Variants in LEKR1 observed in about 807,000 individuals in gnomAD.
The protein encoded by LEKR1 is leucine, glutamate and lysine rich 1, also known as protein LEKR1.
In LEKR1, 59 loss-of-function variants were observed where a neutral mutation model predicts 72.4. The observed-to-expected ratio is 0.82, with a 90% CI of 0.66 to 1.01. The LOEUF (loss-of-function observed/expected upper bound fraction) is 1.01, where lower values mean the gene tolerates loss of function less well. LEKR1 is among the 50% of genes least tolerant of loss of function. The pLI, the probability that LEKR1 is intolerant of heterozygous loss-of-function variation, is 0.00. For missense variants in LEKR1, 728 were observed against 759.2 expected (o/e 0.96, Z 0.48); for synonymous variants, 257 against 263.2 (o/e 0.98, Z 0.23).
At chr3:157,045,095 T>C (rs1735656919) in intron 12 of LEKR1, among the ~76,000 whole-genome samples, 2 of 152,190 alleles carry the variant, frequency 1.3e-5, no homozygotes, top group Admixed American at 6.5e-5. Flanking sequence ...ACTCAGTCTC[T>C]GTAGTTCTTG....
rs1576872984 is a variant in LEKR1 at position 156,944,048 on chromosome 3, A to G, written c.745+1334A>G. 2.0e-5 allele frequency among the ~76,000 whole-genome samples: 3 copies of G among 151,422 alleles called. No homozygotes were observed. In the South Asian group the frequency reaches 6.2e-4, roughly 31 times the overall value. ...TTTTTTTCAAATGCATAATTTATCT[A>G]TTGACTTTTTATGGTAAATTTTACC... On this transcript the variant is annotated intron_variant, in intron 6 of 12. Transcript: ENST00000356539.
chr3:156,899,777 C>T (rs1225864412), intron 3 of LEKR1, among the ~76,000 whole-genome samples: 2 of 89,214 alleles, frequency 2.2e-5, no homozygotes, highest in East Asian at 9.2e-4. Flanking sequence ...CATATATACA[C>T]ATATATACAC....
At chr3:156,999,961 A>C (rs1456019598) in intron 9 of LEKR1, among the ~76,000 whole-genome samples, 1 of 152,204 alleles carries the variant, frequency 6.6e-6, no homozygotes, top group East Asian at 1.9e-4. Flanking sequence ...TCTCTTCTCT[A>C]CTGTTTGCAC....
intron 2 of LEKR1, among the ~76,000 whole-genome samples, chr3:156,835,852 G>C: frequency 8.5e-6 from 1 of 117,452 alleles, no homozygotes; most frequent in South Asian, 3.0e-4. Flanking sequence ...CCCAAGTCTT[G>C]CTCTGTCTCA....
rs6774980 is a variant in LEKR1, at chr3:156,846,990, A to T, written c.49-5778A>T. On this transcript the variant is annotated intron_variant, in intron 2 of 12. Transcript: ENST00000356539. ...ACCACGCCTGGCTAATTTTTAAAAAATTTTTTGTAGAAATAAGGTCTCACC... is the reference window on the plus strand; with the variant it reads ...ACCACGCCTGGCTAATTTTTAAAAATTTTTTTGTAGAAATAAGGTCTCACC... 9.3e-3 allele frequency among the ~76,000 whole-genome samples: 1,410 copies of T among 151,934 alleles called. 17 individuals are homozygous for T. The highest frequency in any genetic ancestry group is 0.033 in the African/African-American group (1,357 of 41,408).
At chr3:156,906,222 A>G (rs1576793452) in intron 3 of LEKR1, among the ~76,000 whole-genome samples, 1 of 152,322 alleles carries the variant, frequency 6.6e-6, no homozygotes, top group African/African-American at 2.4e-5. Context: ...CATTATGTGT[A>G]ATATTAATCG....
At chr3:157,039,495 T>A (rs1343061881) in intron 12 of LEKR1, among the ~76,000 whole-genome samples, 1 of 152,100 alleles carries the variant, frequency 6.6e-6, no homozygotes, top group Non-Finnish European at 1.5e-5. Context: ...GGCACACGCC[T>A]GTAGTCCCAG....
chr3:156,831,728 G>T (rs1418611229), intron 2 of LEKR1, among the ~76,000 whole-genome samples: 1 of 152,084 alleles, frequency 6.6e-6, no homozygotes, highest in Non-Finnish European at 1.5e-5. Context: ...CATGATAAAG[G>T]TTCACCCTCA....
intron 8 of LEKR1, among the ~76,000 whole-genome samples, 156 bp downstream of exon 8, chr3:156,992,886 T>G (rs1731247666): frequency 6.6e-6 from 1 of 152,176 alleles, no homozygotes; most frequent in East Asian, 1.9e-4. Flanking sequence ...TGCAGTTGGT[T>G]ATTGCTGTTG....
At chr3:156,868,611 T>C (rs1259915393) in intron 3 of LEKR1, among the ~76,000 whole-genome samples, 1 of 152,060 alleles carries the variant, frequency 6.6e-6, no homozygotes. Flanking sequence ...ATAGAATGTG[T>C]AATGATCAAG....
chr3:156,916,093 C>T (rs1291652380), intron 3 of LEKR1, among the ~76,000 whole-genome samples: 2 of 151,458 alleles, frequency 1.3e-5, no homozygotes, highest in Non-Finnish European at 3.0e-5. Context: ...TATTTCCGAG[C>T]TCTCTCTTCT....
intron 6 of LEKR1, among the ~76,000 whole-genome samples, chr3:156,963,762 G>T (rs1475181556): frequency 6.6e-6 from 1 of 152,128 alleles, no homozygotes. Context: ...AATTACTAAG[G>T]CCTAGAGGAA....
intron 6 of LEKR1, among the ~76,000 whole-genome samples, chr3:156,976,166 A>C (rs1207718868): frequency 1.3e-5 from 2 of 152,140 alleles, no homozygotes; most frequent in African/African-American, 2.4e-5. Flanking sequence ...GGATGTTTAT[A>C]TTTCATTCAG....
At chr3:156,931,708 A>G (rs1343681048) in intron 5 of LEKR1, among the ~76,000 whole-genome samples, 1 of 152,184 alleles carries the variant, frequency 6.6e-6, no homozygotes, top group African/African-American at 2.4e-5. Context: ...ATAATCCTCA[A>G]AAATATTATG....
rs566999910 is a variant in LEKR1 at position 156,989,102 on chromosome 3, T to C, written c.828-3551T>C. ...GCCTTGGCTCCCAAAGTGCTGGGATTACAGGTGTGAGCCACCGTGCCCAGC... is the reference window on the plus strand; with the variant it reads ...GCCTTGGCTCCCAAAGTGCTGGGATCACAGGTGTGAGCCACCGTGCCCAGC... On this transcript the variant is annotated intron_variant, in intron 7 of 12. Coordinates refer to ENST00000356539, the MANE Select transcript of LEKR1 (RefSeq NM_001004316.3). Among the ~76,000 whole-genome samples, 9 of 152,332 alleles carry C rather than the reference T, an allele frequency of 5.9e-5. 1 individual carries two copies. Among genetic ancestry groups the C allele is most frequent in the African/African-American group, 1.9e-4 (8 of 41,584 alleles).
chr3:157,042,919 A>G (rs1171513820), intron 12 of LEKR1, among the ~76,000 whole-genome samples: 1 of 152,154 alleles, frequency 6.6e-6, no homozygotes, highest in East Asian at 1.9e-4. Context: ...TCCCCACCCA[A>G]ATCTCATGTC....
chr3:156,911,326 T>A (rs556378964), intron 3 of LEKR1, among the ~76,000 whole-genome samples: 1 of 152,100 alleles, frequency 6.6e-6, no homozygotes, highest in Non-Finnish European at 1.5e-5. Flanking sequence ...ATTTTTTATG[T>A]CCTTTGTCCA....
chr3:156,923,679 G>C (rs1256460013), intron 4 of LEKR1, among the ~76,000 whole-genome samples: 2 of 152,040 alleles, frequency 1.3e-5, no homozygotes, highest in African/African-American at 4.8e-5. Context: ...CAATTCTTTG[G>C]AGTAGATACC....
At chr3:156,998,759 C>A (rs1314864613) in intron 9 of LEKR1, among the ~76,000 whole-genome samples, 1 of 152,162 alleles carries the variant, frequency 6.6e-6, no homozygotes, top group African/African-American at 2.4e-5. Context: ...TTTTAAGCTA[C>A]AGGGAAGGGT....
Sources: gnomAD v4.1 joint callset for allele counts (sites outside exome capture counted in the v4.1 genomes callset) on GRCh38, gnomAD v4.1.1 for gene constraint, MANE v1.5 for transcripts, NCBI Gene and HGNC (gene_info 2026-07-23, HGNC 2026-07-21) for gene names.